Variants in GCSAML observed in about 807,000 individuals in gnomAD.
GCSAML encodes the protein germinal center associated signaling and motility like.
A neutral mutation model predicts 13.0 loss-of-function variants in GCSAML; 9 were observed. That is an observed-to-expected ratio of 0.69 (90% CI 0.42 to 1.21). The LOEUF (loss-of-function observed/expected upper bound fraction) is 1.21, where lower values mean the gene tolerates loss of function less well. Among genes scored for constraint, GCSAML ranks in the 50% most tolerant of loss-of-function variants. The pLI, the probability that GCSAML is intolerant of heterozygous loss-of-function variation, is 0.00. For synonymous variants in GCSAML, 37 were observed against 52.9 expected (o/e 0.70, Z 1.31); for missense variants, 143 against 153.4 (o/e 0.93, Z 0.36).
chr1:247,530,523 C>CCA (rs1666886520), intron 2 of GCSAML: 1 of 141,170 alleles, frequency 7.1e-6, no homozygotes. Context: ...GCCATCCCCC[C>CCA]CCCACAAAAT....
intron 1 of GCSAML, among the ~76,000 whole-genome samples, chr1:247,515,918 T>A (rs1666194759): frequency 6.6e-6 from 1 of 152,212 alleles, no homozygotes; most frequent in African/African-American, 2.4e-5. Flanking sequence ...ACATTTATTA[T>A]ACTAACCACA....
intron 2 of GCSAML, among the ~76,000 whole-genome samples, chr1:247,559,261 T>C (rs1041875049): frequency 6.6e-6 from 1 of 152,252 alleles, no homozygotes; most frequent in Non-Finnish European, 1.5e-5. Context: ...ATATTCACTG[T>C]CATTATTTCT....
At chr1:247,522,521 C>T (rs1325998301) in intron 1 of GCSAML, among the ~76,000 whole-genome samples, 4 of 152,172 alleles carry the variant, frequency 2.6e-5, no homozygotes, top group African/African-American at 9.7e-5. Context: ...GTGGCTGTGT[C>T]TGTGTAGAAG....
intron 1 of GCSAML, among the ~76,000 whole-genome samples, chr1:247,551,695 T>C (rs1667782779): frequency 6.6e-6 from 1 of 152,204 alleles, no homozygotes; most frequent in Non-Finnish European, 1.5e-5. Flanking sequence ...TTATTGATCA[T>C]CGTTTTATGT....
chr1:247,565,856 C>A, intron 3 of GCSAML, 75 bp from the exon 4 acceptor site: 1 of 1,195,712 alleles, frequency 8.4e-7, no homozygotes. Flanking sequence ...TTCACCTTTT[C>A]CTTCAATCTG....
At position 247,549,367 on chromosome 1, in the gene GCSAML, C is replaced by A. The variant is rs113924693; in HGVS notation, c.29+147C>A. ...AGCATCCTCTAGGAGCACACAGTGA[C>A]GCCCAGTTGGCTCCTTCTCTTGCCT... is the stretch of plus-strand genomic sequence containing the variant. On this transcript the variant is annotated intron_variant, in intron 1 of 4. Transcript: ENST00000366488. The A allele has an allele frequency of 1.2e-5, 7 of 604,814 alleles. No homozygotes were observed. The South Asian group carries it at 1.8e-4, about 16-fold the overall frequency. The allele number at this position is 604,814 out of a possible 1,614,324, so 37.5% of individuals were successfully genotyped here.
At chr1:247,547,851 AC>A (rs1281406990), upstream of GCSAML, among the ~76,000 whole-genome samples, 1 of 152,240 alleles carries the variant, frequency 6.6e-6, no homozygotes, top group Non-Finnish European at 1.5e-5. Flanking sequence ...TGATTTGCTT[AC>A]ATGAGAAAGT....
upstream of GCSAML, among the ~76,000 whole-genome samples, chr1:247,548,668 A>T (rs529578092): frequency 6.6e-6 from 1 of 152,302 alleles, no homozygotes; most frequent in South Asian, 2.1e-4. The surrounding 1 kb of genome is among the most constrained non-coding windows in gnomAD (Gnocchi z 5.3). Flanking sequence ...GAAGAGGACA[A>T]CATATTTGGA....
chr1:247,531,237 C>A (rs1666938629), intron 2 of GCSAML: 3 of 348,288 alleles, frequency 8.6e-6, no homozygotes, highest in South Asian at 7.1e-5. Flanking sequence ...CACGGAGCGT[C>A]CTGGAATCCA....
intron 2 of GCSAML, among the ~76,000 whole-genome samples, chr1:247,558,759 T>C (rs1160642103): frequency 1.3e-5 from 2 of 152,204 alleles, no homozygotes; most frequent in African/African-American, 2.4e-5. Flanking sequence ...CTAAATAATA[T>C]TTTACCTGTA....
upstream of GCSAML, chr1:247,548,944 G>C (rs183497777): frequency 1.2e-4 from 96 of 834,562 alleles, no homozygotes; most frequent in East Asian, 2.1e-3. The surrounding 1 kb of genome is among the most constrained non-coding windows in gnomAD (Gnocchi z 5.3). Context: ...ACGCGTGTGT[G>C]TATGAGTGTG....
Position 247,518,555 on chromosome 1 carries a change from C to T in GCSAML, c.-262-8385C>T, listed in dbSNP as rs548141199. ...ACGCTGAGAGGACGAGAAAGGCGCC[C>T]TGGGGAAGGCTCTCGGGAAAGCCCG... is the stretch of plus-strand genomic sequence containing the variant. On this transcript the variant is annotated intron_variant, in intron 1 of 5. Transcript: ENST00000366489. 3 of 152,496 alleles carry T rather than the reference C, an allele frequency of 2.0e-5. No individual in the cohort carries two copies. The East Asian group carries it at 5.8e-4, about 29-fold the overall frequency. 9.4% of individuals were successfully genotyped at this position (152,496 alleles called of 1,614,324 possible).
At chr1:247,531,746 T>A in intron 2 of GCSAML, 1 of 1,614,150 alleles carries the variant, frequency 6.2e-7, no homozygotes. Context: ...ATGAAGATGA[T>A]GCTCCCGTAA....
chr1:247,561,318 T>C (rs1269059155), intron 2 of GCSAML, among the ~76,000 whole-genome samples: 1 of 152,194 alleles, frequency 6.6e-6, no homozygotes, highest in East Asian at 1.9e-4. Flanking sequence ...TTTTGATAAA[T>C]GTATACAATG....
At chr1:247,570,608 G>A (rs1341000821) in intron 4 of GCSAML, among the ~76,000 whole-genome samples, 1 of 152,160 alleles carries the variant, frequency 6.6e-6, no homozygotes, top group Non-Finnish European at 1.5e-5. Context: ...TGCATTTGCT[G>A]AGGAGTGTTT....
chr1:247,545,762 G>T (rs1667546607), upstream of GCSAML, among the ~76,000 whole-genome samples: 1 of 152,138 alleles, frequency 6.6e-6, no homozygotes, highest in East Asian at 1.9e-4. Context: ...CTATTGAGCT[G>T]TGTGAGTTCC....
intron 2 of GCSAML, chr1:247,529,282 A>G (rs1666810301): frequency 6.6e-6 from 1 of 152,234 alleles, no homozygotes; most frequent in Non-Finnish European, 1.5e-5. Flanking sequence ...ACCTGTAACC[A>G]GGAAACATAT....
At chr1:247,530,581 T>G (rs1169669536) in intron 2 of GCSAML, 2 of 150,444 alleles carry the variant, frequency 1.3e-5, no homozygotes, top group African/African-American at 4.9e-5. Flanking sequence ...AAATGTGTCA[T>G]TTTACTACCT....
At chr1:247,533,783 CAAAT>C (rs1478161402) in intron 2 of GCSAML, 1 of 152,190 alleles carries the variant, frequency 6.6e-6, no homozygotes, top group Non-Finnish European at 1.5e-5. Flanking sequence ...AAACTATGAT[CAAAT>C]AAATGTGTAT....
Sources: gnomAD v4.1 joint callset for allele counts (sites outside exome capture counted in the v4.1 genomes callset) on GRCh38, gnomAD v4.1.1 for gene constraint, Gnocchi (gnomAD v3.1) non-coding constraint, MANE v1.5 for transcripts, NCBI Gene and HGNC (gene_info 2026-07-23, HGNC 2026-07-21) for gene names.